Variants in ZGRF1 observed in about 807,000 individuals in gnomAD.
ZGRF1 encodes zinc finger GRF-type containing 1.
A neutral mutation model predicts 203.5 loss-of-function variants in ZGRF1; 196 were observed. The ratio of observed to expected loss-of-function variants is 0.96; its 90% confidence interval spans 0.86 to 1.08. The LOEUF (loss-of-function observed/expected upper bound fraction) is 1.08. Ranked by LOEUF, ZGRF1 falls within the 50% of genes least tolerant of loss-of-function variation. The pLI, the probability that ZGRF1 is intolerant of heterozygous loss-of-function variation, is 0.00. For missense variants in ZGRF1, 2,326 were observed against 2,416.3 expected, an observed-to-expected ratio of 0.96 and a Z score of 0.78; for synonymous variants, 809 against 841.3, an observed-to-expected ratio of 0.96 and a Z score of 0.66.
At chr4:112,556,793 A>G (rs1392834617) in intron 20 of ZGRF1, among the ~76,000 whole-genome samples, 1 of 152,212 alleles carries the variant, frequency 6.6e-6, no homozygotes, top group Non-Finnish European at 1.5e-5. Flanking sequence ...ATATAATAAA[A>G]CATCTGTGTA....
intron 24 of ZGRF1, among the ~76,000 whole-genome samples, chr4:112,544,187 A>G (rs1051607009): frequency 2.6e-5 from 4 of 152,220 alleles, no homozygotes; most frequent in Admixed American, 6.5e-5. Flanking sequence ...TCAAAATTCA[A>G]TGCAACTTGA....
intron 16 of ZGRF1, among the ~76,000 whole-genome samples, chr4:112,572,618 C>T (rs1484651737): frequency 6.6e-6 from 1 of 152,072 alleles, no homozygotes; most frequent in Admixed American, 6.6e-5. Flanking sequence ...AACAGACAAC[C>T]CACAGAGTGG....
intron 1 of ZGRF1, among the ~76,000 whole-genome samples, chr4:112,634,202 T>C (rs1214927364): frequency 6.6e-6 from 1 of 152,202 alleles, no homozygotes; most frequent in Non-Finnish European, 1.5e-5. Context: ...TGAAGGAATT[T>C]CAGTATGGCG....
intron 16 of ZGRF1, among the ~76,000 whole-genome samples, chr4:112,579,660 C>A (rs1745860302): frequency 8.3e-6 from 1 of 120,852 alleles, no homozygotes; most frequent in African/African-American, 2.9e-5. Context: ...CATGAGTGAA[C>A]TCCCATTCAC....
At chr4:112,634,272 G>A (rs1449316060) in intron 1 of ZGRF1, among the ~76,000 whole-genome samples, 2 of 152,192 alleles carry the variant, frequency 1.3e-5, no homozygotes, top group Admixed American at 6.5e-5. Flanking sequence ...GGGGCACCCA[G>A]CTTGGTGTGG....
chr4:112,611,002 T>C, intron 7 of ZGRF1: 1 of 251,990 alleles, frequency 4.0e-6, no homozygotes, highest in Non-Finnish European at 7.8e-6. Context: ...TAGGTTTTAT[T>C]TTTTTCTTCA....
intron 10 of ZGRF1, among the ~76,000 whole-genome samples, chr4:112,594,960 G>T (rs1397751113): frequency 1.3e-5 from 2 of 151,938 alleles, no homozygotes; most frequent in Non-Finnish European, 1.5e-5. Context: ...TACTCCACAG[G>T]CCAGGTGCGG....
chr4:112,619,737 A>C, intron 5 of ZGRF1, 47 bp from the exon 6 acceptor site: 3 of 1,386,518 alleles, frequency 2.2e-6, no homozygotes, highest in Non-Finnish European at 2.9e-6. Flanking sequence ...CCCATTAAGA[A>C]AATGTGAAAT....
Position 112,558,288 on chromosome 4 carries a change from C to G in ZGRF1, c.4982G>C (p.Ser1661Thr), listed in dbSNP as rs1267844228. The part of the protein sequence containing the change: ...IIHGVFGAGK[S>T]YLLAVVILFF... ...CAAAATCACCACTGCCAGCAAGTAA[C>G]TCTTTCCTGCTCCAAACACACCTAA... The change falls in exon 20 of 28, where the codon AGT (serine) becomes ACT (threonine). Residue 1661 changes from serine to threonine, a missense_variant. Physicochemically the swap from Ser to Thr is moderately conservative, Grantham distance 58. Coordinates refer to ENST00000505019, the MANE Select transcript of ZGRF1 (RefSeq NM_018392.5). 1 of 1,567,104 alleles carries G rather than the reference C, an allele frequency of 6.4e-7. No individual in the cohort carries two copies. Among genetic ancestry groups the G allele is most frequent in the East Asian group, 2.4e-5 (1 of 41,872 alleles).
At chr4:112,562,262 T>A in intron 18 of ZGRF1, 109 bp downstream of exon 18, 1 of 672,450 alleles carries the variant, frequency 1.5e-6, no homozygotes, top group Non-Finnish European at 2.6e-6. Flanking sequence ...TGAAAAATAA[T>A]TACAATTTTA....
At chr4:112,634,724 C>G (rs1018437786) in intron 1 of ZGRF1, among the ~76,000 whole-genome samples, 1 of 152,024 alleles carries the variant, frequency 6.6e-6, no homozygotes, top group African/African-American at 2.4e-5. Context: ...CTTGACTAAT[C>G]AAGGTGATCT....
chr4:112,555,449 A>C (rs890141060), intron 20 of ZGRF1, among the ~76,000 whole-genome samples: 3 of 152,252 alleles, frequency 2.0e-5, no homozygotes, highest in African/African-American at 7.2e-5. Flanking sequence ...TGGAGAACTA[A>C]ACTATAGATC....
chr4:112,630,467 G>A (rs1049432373), intron 3 of ZGRF1, among the ~76,000 whole-genome samples: 12 of 151,250 alleles, frequency 7.9e-5, no homozygotes, highest in Admixed American at 1.3e-4. Context: ...TCAGGGAGCC[G>A]AGATTGTGCC....
chr4:112,610,439 C>T (rs1023857938), intron 7 of ZGRF1, among the ~76,000 whole-genome samples: 20 of 151,798 alleles, frequency 1.3e-4, no homozygotes, highest in South Asian at 4.2e-4. Flanking sequence ...CACATGGTGG[C>T]GTGAGCCTGT....
chr4:112,622,982 G>A (rs986453339), intron 4 of ZGRF1, among the ~76,000 whole-genome samples: 7 of 152,018 alleles, frequency 4.6e-5, no homozygotes, highest in African/African-American at 1.4e-4. Flanking sequence ...CCCTCTCTCC[G>A]TTTCTCAGTA....
chr4:112,606,301 T>C (rs1750767563), intron 8 of ZGRF1, among the ~76,000 whole-genome samples: 1 of 152,232 alleles, frequency 6.6e-6, no homozygotes, highest in South Asian at 2.1e-4. Flanking sequence ...CTAATTAATT[T>C]GAAAACTTAG....
At chr4:112,621,660 A>C (rs2047064114) in intron 4 of ZGRF1, among the ~76,000 whole-genome samples, 1 of 151,760 alleles carries the variant, frequency 6.6e-6, no homozygotes, top group Non-Finnish European at 1.5e-5. Flanking sequence ...TCTCAAAAAA[A>C]AAAAAAAATT....
At chr4:112,634,624 C>G (rs1322699701) in intron 1 of ZGRF1, among the ~76,000 whole-genome samples, 1 of 151,552 alleles carries the variant, frequency 6.6e-6, no homozygotes, top group Admixed American at 6.6e-5. Context: ...GCACTCCAGC[C>G]TGGGCGACAA....
At position 112,617,725 on chromosome 4, in the gene ZGRF1, G is replaced by C; in HGVS notation, c.2317C>G (p.Leu773Val). Residue 773 changes from leucine (L) to valine (V), a missense_variant, in exon 6 of 28, where the codon CTT becomes GTT. Transcript: ENST00000505019. ...SLFYPLGKKH[L>V]ISKDTEAHIS... ...TGTGCTTCTGTGTCTTTGGAAATAA[G>C]ATGCTTTTTTCCCAGTGGGTAAAAC... is the stretch of plus-strand genomic sequence containing the variant. 3.7e-6 allele frequency: 6 copies of C among 1,614,096 alleles called. No homozygotes were observed. The highest frequency in any genetic ancestry group is 5.1e-6 in the Non-Finnish European group (6 of 1,179,986).
Sources: gnomAD v4.1 joint callset for allele counts (sites outside exome capture counted in the v4.1 genomes callset) on GRCh38, gnomAD v4.1.1 for gene constraint, MANE v1.5 for transcripts, NCBI Gene and HGNC (gene_info 2026-07-23, HGNC 2026-07-21) for gene names.